Variants in XYLT1 observed in about 807,000 individuals in gnomAD.
XYLT1 encodes the protein beta-D-xylosyltransferase 1.
Under a neutral mutation model 91.3 loss-of-function variants are expected in XYLT1, and 36 were observed. The ratio of observed to expected loss-of-function variants is 0.39; its 90% CI spans 0.30 to 0.52. The LOEUF (loss-of-function observed/expected upper bound fraction) is 0.52. XYLT1 is among the 20% of genes least tolerant of loss of function. The pLI is 0.68. For missense variants in XYLT1, 1,242 were observed against 1,284.5 expected, an observed-to-expected ratio of 0.97 and a Z score of 0.51; for synonymous variants, 588 against 532.0, an observed-to-expected ratio of 1.11 and a Z score of -1.45.
intron 1 of XYLT1, among the ~76,000 whole-genome samples, chr16:17,459,944 G>C (rs2036795388): frequency 6.6e-6 from 1 of 152,186 alleles, no homozygotes; most frequent in African/African-American, 2.4e-5. Context: ...AACCCCGTCT[G>C]AACACTCCCA....
At chr16:17,324,117 T>C (rs915349215) in intron 2 of XYLT1, among the ~76,000 whole-genome samples, 3 of 151,958 alleles carry the variant, frequency 2.0e-5, no homozygotes, top group African/African-American at 7.3e-5. Context: ...TTAACAAGCA[T>C]GGTCATGGGG....
chr16:17,363,514 C>T (rs1487347438), intron 1 of XYLT1, among the ~76,000 whole-genome samples: 4 of 152,084 alleles, frequency 2.6e-5, no homozygotes, highest in East Asian at 1.9e-4. Flanking sequence ...CTATGCATCC[C>T]GGGTATCTAT....
intron 5 of XYLT1, chr16:17,193,431 T>G (rs2032361440): frequency 6.6e-6 from 1 of 152,216 alleles, no homozygotes; most frequent in Admixed American, 6.5e-5. Flanking sequence ...CCAGGATGTC[T>G]GCGTCCAGGG....
intron 1 of XYLT1, among the ~76,000 whole-genome samples, chr16:17,389,869 C>T (rs2035793479): frequency 1.3e-5 from 2 of 152,216 alleles, no homozygotes. Flanking sequence ...ACAGCTTAAG[C>T]TGCCACCCAG....
chr16:17,451,132 C>A (rs2036660695), intron 1 of XYLT1, among the ~76,000 whole-genome samples: 1 of 152,158 alleles, frequency 6.6e-6, no homozygotes, highest in African/African-American at 2.4e-5. Flanking sequence ...GTTCCACCTC[C>A]AAATCTTGCA....
At chr16:17,223,235 T>G (rs1420715748) in intron 3 of XYLT1, among the ~76,000 whole-genome samples, 1 of 152,170 alleles carries the variant, frequency 6.6e-6, no homozygotes, top group African/African-American at 2.4e-5. Flanking sequence ...TTCCTGGAGA[T>G]GTGTTCCCAG....
At chr16:17,330,889 T>C (rs1596485722) in intron 2 of XYLT1, among the ~76,000 whole-genome samples, 1 of 152,144 alleles carries the variant, frequency 6.6e-6, no homozygotes, top group Non-Finnish European at 1.5e-5. Context: ...CAGGTGGCGT[T>C]TGAGCACCTG....
At chr16:17,424,792 C>G (rs531667428) in intron 1 of XYLT1, among the ~76,000 whole-genome samples, 3 of 149,532 alleles carry the variant, frequency 2.0e-5, no homozygotes, top group African/African-American at 7.4e-5. Context: ...TGCTTGAACC[C>G]GGGAGGCAGA....
At chr16:17,342,367 C>T (rs115321586) in intron 2 of XYLT1, among the ~76,000 whole-genome samples, 240 of 152,282 alleles carry the variant, frequency 1.6e-3, no homozygotes, top group African/African-American at 5.4e-3. Flanking sequence ...CTTACCTAGC[C>T]CACAGTCCTC....
chr16:17,103,759 A>G lies in XYLT1; in HGVS notation c.*4936T>C, dbSNP rs970110253. On this transcript the variant is annotated 3_prime_UTR_variant, in exon 12 of 12. Coordinates refer to ENST00000261381, the MANE Select transcript of XYLT1 (RefSeq NM_022166.4). ...GAGGCAGTTGGAATATTCCCAGCCAAGTGGAGAGGGAAGAGAGGTCACTTT... is the reference window on the plus strand; with the variant it reads ...GAGGCAGTTGGAATATTCCCAGCCAGGTGGAGAGGGAAGAGAGGTCACTTT... The G allele has an allele frequency of 1.3e-5, 2 of 152,208 alleles. No individual in the cohort carries two copies. Among genetic ancestry groups the G allele is most frequent in the East Asian group, 1.9e-4 (1 of 5,182 alleles). The allele number at this position is 152,208 out of a possible 1,614,324, so 9.4% of individuals were successfully genotyped here.
intron 1 of XYLT1, among the ~76,000 whole-genome samples, chr16:17,376,197 A>G (rs1175683015): frequency 1.3e-5 from 2 of 152,212 alleles, no homozygotes; most frequent in Admixed American, 1.3e-4. Context: ...GTCTAGAGAC[A>G]CGCTTATTTG....
In XYLT1 at chr16:17,314,995, A is replaced by T. The variant is rs142021677; in HGVS notation, c.402+43017T>A. On this transcript the variant is annotated intron_variant, in intron 2 of 11. Transcript: ENST00000261381. ...GTCAGGCCTTGGCTTATACTGAAAG[A>T]GGCATGAGGAGCCACGTGGCGGGTT... Among the ~76,000 whole-genome samples, 1,067 of 152,288 alleles carry T rather than the reference A, an allele frequency of 7.0e-3. 14 individuals are homozygous for T. Among genetic ancestry groups the T allele is most frequent in the African/African-American group, 0.023 (956 of 41,548 alleles).
chr16:17,366,041 G>A (rs2141869854), intron 1 of XYLT1, among the ~76,000 whole-genome samples: 1 of 150,946 alleles, frequency 6.6e-6, no homozygotes, highest in East Asian at 1.9e-4. Flanking sequence ...GGTGGCCTGT[G>A]GATGCTTCAA....
At chr16:17,356,268 CTT>C (rs2035293673) in intron 2 of XYLT1, among the ~76,000 whole-genome samples, 1 of 152,116 alleles carries the variant, frequency 6.6e-6, no homozygotes, top group Admixed American at 6.6e-5. Flanking sequence ...TTTTAGGTGA[CTT>C]TATAGAATAG....
At chr16:17,211,416 G>A (rs2032754457) in intron 3 of XYLT1, among the ~76,000 whole-genome samples, 1 of 152,172 alleles carries the variant, frequency 6.6e-6, no homozygotes, top group African/African-American at 2.4e-5. Flanking sequence ...GGAGTCTCCT[G>A]GGGTGGGCTT....
intron 1 of XYLT1, among the ~76,000 whole-genome samples, chr16:17,449,010 C>T (rs2036630163): frequency 6.6e-6 from 1 of 152,222 alleles, no homozygotes; most frequent in Non-Finnish European, 1.5e-5. Context: ...CCGTGCTTCT[C>T]TACTGCATTG....
chr16:17,463,716 T>C (rs961429128), intron 1 of XYLT1, among the ~76,000 whole-genome samples: 2 of 152,208 alleles, frequency 1.3e-5, no homozygotes, highest in Non-Finnish European at 2.9e-5. Context: ...ATCCCACTAC[T>C]GTGTCTACAC....
chr16:17,419,637 T>C (rs543548312), intron 1 of XYLT1, among the ~76,000 whole-genome samples: 38 of 152,358 alleles, frequency 2.5e-4, no homozygotes, highest in African/African-American at 9.1e-4. Context: ...GGTACTTTAA[T>C]TTTGCATTTT....
At chr16:17,229,104 G>A (rs2033117409) in intron 3 of XYLT1, among the ~76,000 whole-genome samples, 1 of 152,076 alleles carries the variant, frequency 6.6e-6, no homozygotes, top group African/African-American at 2.4e-5. Flanking sequence ...CAAGTAGCTG[G>A]GATTACCAAT....
Sources: allele counts gnomAD v4.1 joint callset (sites outside exome capture counted in the v4.1 genomes callset), GRCh38; gene constraint gnomAD v4.1.1; transcripts MANE v1.5; gene names NCBI Gene and HGNC (gene_info 2026-07-23, HGNC 2026-07-21).